EDA: variants seen among roughly 807,000 people sequenced by gnomAD.
EDA encodes the protein ectodysplasin A, also known as ectodysplasin-A.
In EDA, 2 loss-of-function variants were observed where a neutral mutation model predicts 23.6. That is an observed-to-expected ratio of 0.08 (90% CI 0.03 to 0.27). EDA has a LOEUF of 0.27. Ranked by LOEUF, EDA falls within the 10% of genes least tolerant of loss-of-function variation. EDA has a pLI of 1.00. For missense variants in EDA, 229 were observed against 324.2 expected, an observed-to-expected ratio of 0.71 and a Z score of 2.26; for synonymous variants, 131 against 132.0, an observed-to-expected ratio of 0.99 and a Z score of 0.05.
At chrX:69,671,260 T>C (rs144787933) in intron 1 of EDA, among the ~76,000 whole-genome samples, 1,535 of 111,458 alleles carry the variant, frequency 0.014, 20 homozygotes, top group African/African-American at 0.045. Context: ...GGTGGCTTCA[T>C]AGGTTATTAG....
At chrX:69,870,901 G>A (rs1407028271) in intron 1 of EDA, among the ~76,000 whole-genome samples, 2 of 111,333 alleles carry the variant, frequency 1.8e-5, no homozygotes, top group East Asian at 2.8e-4. Context: ...GCAGATTTGC[G>A]GCTCAGTATC....
chrX:69,745,994 A>G (rs1301235781), intron 1 of EDA, among the ~76,000 whole-genome samples: 1 of 111,180 alleles, frequency 9.0e-6, no homozygotes, highest in Non-Finnish European at 1.9e-5. Context: ...CTCAAGAAGA[A>G]AAGGAAAAAG....
At chrX:69,729,098 C>T (rs959171775) in intron 1 of EDA, 5 of 111,180 alleles carry the variant, frequency 4.5e-5, no homozygotes, top group Non-Finnish European at 9.4e-5. Context: ...TATATCATGG[C>T]CTTTCTTCCT....
chrX:69,678,910 G>A (rs1401011183), intron 1 of EDA, among the ~76,000 whole-genome samples: 5 of 89,721 alleles, frequency 5.6e-5, no homozygotes, highest in African/African-American at 1.8e-4. Flanking sequence ...AGTTTTCAAA[G>A]GGAATGCTTC....
chrX:69,931,410 A>G (rs914833370), intron 1 of EDA, among the ~76,000 whole-genome samples: 2 of 111,741 alleles, frequency 1.8e-5, no homozygotes, highest in African/African-American at 6.5e-5. Context: ...AGTCAGGGAC[A>G]ATGGTGGATA....
chrX:69,744,611 G>A (rs935683589), intron 1 of EDA, among the ~76,000 whole-genome samples: 2 of 112,205 alleles, frequency 1.8e-5, no homozygotes, highest in African/African-American at 6.5e-5. Flanking sequence ...AGAAGCTAAA[G>A]TAGTACTATG....
chrX:70,034,619 T>C (rs2020240277), intron 7 of EDA, among the ~76,000 whole-genome samples: 1 of 111,550 alleles, frequency 9.0e-6, no homozygotes, highest in African/African-American at 3.3e-5. Context: ...AGGAGAGAAT[T>C]GAGAGTGGCC....
At chrX:69,811,471 C>T (rs780200609) in intron 1 of EDA, among the ~76,000 whole-genome samples, 1 of 112,133 alleles carries the variant, frequency 8.9e-6, no homozygotes, top group Non-Finnish European at 1.9e-5. Context: ...TACAGCACAG[C>T]ACAACTCATA....
chrX:69,957,824 A>G, intron 2 of EDA, among the ~76,000 whole-genome samples: 1 of 112,100 alleles, frequency 8.9e-6, no homozygotes, highest in East Asian at 2.8e-4. Flanking sequence ...TAGCACTTAC[A>G]TGATGTGTTA....
rs2020296399 is a variant in EDA at position 70,038,781 on chromosome X, C to T, written c.*3172C>T. 8.9e-6 allele frequency: 1 copy of T among 112,206 alleles called. No individual in the cohort carries two copies. The highest frequency in any genetic ancestry group is 1.9e-5 in the Non-Finnish European group (1 of 53,185). 9.2% of individuals were successfully genotyped at this position (112,206 alleles called of 1,213,427 possible). The stretch of plus-strand genomic sequence containing the variant: ...CAAATAGATTCAGAGAAATTTAGAG[C>T]TAAAAAGGCCCTTAGAGGGAATCTA... On this transcript the variant is annotated 3_prime_UTR_variant, in exon 8 of 8. Coordinates refer to ENST00000374552, the MANE Select transcript of EDA (RefSeq NM_001399.5).
At chrX:69,752,942 T>G (rs1229401244) in intron 1 of EDA, among the ~76,000 whole-genome samples, 1 of 112,008 alleles carries the variant, frequency 8.9e-6, no homozygotes, top group African/African-American at 3.2e-5. Context: ...TCATTTTTTA[T>G]TGCATCTATT....
At chrX:69,809,591 TG>T (rs2015896265) in intron 1 of EDA, among the ~76,000 whole-genome samples, 1 of 111,834 alleles carries the variant, frequency 8.9e-6, no homozygotes, top group South Asian at 3.7e-4. Context: ...AATGTTAAGG[TG>T]AGGCATACCT....
At chrX:70,024,604 A>G (rs2020083255) in intron 3 of EDA, among the ~76,000 whole-genome samples, 1 of 112,974 alleles carries the variant, frequency 8.9e-6, no homozygotes, top group African/African-American at 3.2e-5. Context: ...CAGTGCACAT[A>G]GGCTTTAAAC....
At chrX:69,888,163 G>A (rs1339191556) in intron 1 of EDA, among the ~76,000 whole-genome samples, 1 of 111,479 alleles carries the variant, frequency 9.0e-6, no homozygotes, top group African/African-American at 3.3e-5. Flanking sequence ...AATATAAAGA[G>A]ATGAATTATG....
At chrX:70,029,722 G>A (rs1448673735) in intron 5 of EDA, among the ~76,000 whole-genome samples, 184 bp downstream of exon 5, 5 of 112,902 alleles carry the variant, frequency 4.4e-5, no homozygotes, top group East Asian at 5.5e-4. Context: ...CCCAGGGCAT[G>A]TTTTTAGCTA....
intron 1 of EDA, among the ~76,000 whole-genome samples, chrX:69,889,403 G>C (rs770218078): frequency 9.0e-6 from 1 of 110,908 alleles, no homozygotes; most frequent in East Asian, 2.9e-4. Flanking sequence ...TCCTGCCTTG[G>C]CCCCCCAAAG....
chrX:69,739,022 T>C (rs750724208), intron 1 of EDA, among the ~76,000 whole-genome samples: 8 of 111,631 alleles, frequency 7.2e-5, no homozygotes, highest in Non-Finnish European at 1.3e-4. Flanking sequence ...TATAATTTTG[T>C]TCAAGTCTTC....
intron 1 of EDA, among the ~76,000 whole-genome samples, chrX:69,833,433 G>A (rs1421238562): frequency 9.0e-6 from 1 of 110,896 alleles, no homozygotes; most frequent in African/African-American, 3.3e-5. Flanking sequence ...TGCTGGATTC[G>A]GTTTGCCATT....
At chrX:69,849,082 TACACACACAC>T (rs370800783) in intron 1 of EDA, among the ~76,000 whole-genome samples, 1,948 of 56,977 alleles carry the variant, frequency 0.034, 64 homozygotes, top group East Asian at 0.12. Flanking sequence ...AAAGTCTATA[TACACACACAC>T]ACACACACAC....
Sources: gnomAD v4.1 joint callset for allele counts (sites outside exome capture counted in the v4.1 genomes callset) on GRCh38, gnomAD v4.1.1 for gene constraint, MANE v1.5 for transcripts, NCBI Gene and HGNC (gene_info 2026-07-23, HGNC 2026-07-21) for gene names.